IL5RA: variants seen among roughly 807,000 people sequenced by gnomAD.
IL5RA encodes the protein interleukin 5 receptor subunit alpha.
Under a neutral mutation model 50.0 loss-of-function variants are expected in IL5RA, and 49 were observed. That is an observed-to-expected ratio of 0.98 (90% CI 0.78 to 1.24). IL5RA has a LOEUF of 1.24. IL5RA is among the 50% of genes most tolerant of loss of function. The pLI is 0.00. For synonymous variants in IL5RA, 202 were observed against 174.0 expected, an observed-to-expected ratio of 1.16 and a Z score of -1.26; for missense variants, 600 against 500.4, an observed-to-expected ratio of 1.20 and a Z score of -1.90.
intron 9 of IL5RA, among the ~76,000 whole-genome samples, chr3:3,090,728 G>A (rs576626437): frequency 6.6e-5 from 10 of 151,720 alleles, no homozygotes; most frequent in Admixed American, 2.6e-4. Context: ...CACCACGCCC[G>A]GCTAATTTTT....
intron 7 of IL5RA, 123 bp downstream of exon 7, chr3:3,097,747 C>T (rs1007330273): frequency 1.9e-6 from 2 of 1,077,480 alleles, no homozygotes; most frequent in South Asian, 1.7e-5. Context: ...GGTTTTCAAA[C>T]ATGGGTCTGA....
intron 7 of IL5RA, among the ~76,000 whole-genome samples, chr3:3,097,407 A>T (rs191382823): frequency 1.2e-4 from 19 of 152,342 alleles, no homozygotes; most frequent in African/African-American, 4.6e-4. Context: ...GGGTGGCACT[A>T]GTCCATCACA....
At chr3:3,071,994 G>A (rs540021117) in intron 11 of IL5RA, among the ~76,000 whole-genome samples, 1 of 152,334 alleles carries the variant, frequency 6.6e-6, no homozygotes, top group African/African-American at 2.4e-5. Flanking sequence ...CCCACCCCAA[G>A]CTCAGAGGTG....
At chr3:3,087,375 C>A (rs1000470249) in intron 9 of IL5RA, among the ~76,000 whole-genome samples, 3 of 152,142 alleles carry the variant, frequency 2.0e-5, no homozygotes, top group Non-Finnish European at 4.4e-5. Flanking sequence ...AGGGACCTTA[C>A]CAACAGAGCT....
In IL5RA at chr3:3,092,602, C is replaced by A. The variant is rs150484753; in HGVS notation, c.856-240G>T. Reference sequence around the variant, plus strand: ...ATACGAAATGATCAACGGTCAAGATCCAGGTGTTCCTATCCAGGCCCAGCT... The same window carrying A: ...ATACGAAATGATCAACGGTCAAGATACAGGTGTTCCTATCCAGGCCCAGCT... On this transcript the variant is annotated intron_variant, in intron 8 of 11. Coordinates refer to ENST00000446632, the MANE Select transcript of IL5RA (RefSeq NM_175726.4). The surrounding 1 kb of genome is among the most constrained non-coding windows in gnomAD (Gnocchi z 4.2). Among the ~76,000 whole-genome samples the A allele has an allele frequency of 6.6e-6, 1 of 152,190 alleles. No individual in the cohort carries two copies. The highest frequency in any genetic ancestry group is 1.5e-5 in the Non-Finnish European group (1 of 68,036).
At chr3:3,105,130 A>G (rs996396880) in intron 2 of IL5RA, 143 bp from the exon 3 acceptor site, 5 of 594,318 alleles carry the variant, frequency 8.4e-6, no homozygotes, top group East Asian at 2.9e-5. Flanking sequence ...AAGTACAAAC[A>G]TGACCAAATG....
At chr3:3,084,083 T>G (rs1702764822) in intron 9 of IL5RA, among the ~76,000 whole-genome samples, 1 of 150,016 alleles carries the variant, frequency 6.7e-6, no homozygotes, top group Non-Finnish European at 1.5e-5. Flanking sequence ...GGTTTAGTCC[T>G]GGTTCTGCCA....
intron 9 of IL5RA, among the ~76,000 whole-genome samples, chr3:3,084,737 C>G (rs1053841966): frequency 2.6e-5 from 4 of 152,244 alleles, no homozygotes; most frequent in African/African-American, 9.6e-5. Flanking sequence ...GTTCCAAACC[C>G]GGATGTCCCA....
intron 2 of IL5RA, among the ~76,000 whole-genome samples, chr3:3,108,167 C>G (rs989747334): frequency 1.3e-5 from 2 of 152,108 alleles, no homozygotes; most frequent in Non-Finnish European, 2.9e-5. Flanking sequence ...AAAGTTATCT[C>G]TTGGGGGATG....
At chr3:3,106,974 T>C (rs1703952804) in intron 2 of IL5RA, among the ~76,000 whole-genome samples, 1 of 152,190 alleles carries the variant, frequency 6.6e-6, no homozygotes, top group Non-Finnish European at 1.5e-5. Flanking sequence ...AACTGTTGAA[T>C]ATCTCAGTGG....
intron 3 of IL5RA, 98 bp from the exon 4 acceptor site, chr3:3,102,918 C>T: frequency 3.3e-6 from 3 of 902,620 alleles, no homozygotes; most frequent in Non-Finnish European, 3.3e-6. Flanking sequence ...CAGATGCTGT[C>T]CTGGACCTGC....
chr3:3,108,596 T>C lies in IL5RA; in HGVS notation c.-50A>G, dbSNP rs139362563. ...GTTCCGACCAGTACTCAACAGAAGA[T>C]GGCGAGGACCGTGTCTGTCGTGTCT... On this transcript the variant is annotated 5_prime_UTR_variant, in exon 2 of 12. Transcript: ENST00000446632. 1 of 152,374 alleles carries C rather than the reference T, an allele frequency of 6.6e-6. No homozygotes were observed. The highest frequency in any genetic ancestry group is 1.9e-4 in the East Asian group (1 of 5,192). 9.4% of individuals were successfully genotyped at this position (152,374 alleles called of 1,614,324 possible).
At chr3:3,084,917 T>C (rs574670634) in intron 9 of IL5RA, among the ~76,000 whole-genome samples, 20 of 152,346 alleles carry the variant, frequency 1.3e-4, no homozygotes, top group Admixed American at 3.9e-4. Context: ...CTGCCATCCC[T>C]CCATGAGGCA....
At chr3:3,076,455 A>T in intron 10 of IL5RA, 76 bp downstream of exon 10, 1 of 888,096 alleles carries the variant, frequency 1.1e-6, no homozygotes, top group Non-Finnish European at 1.8e-6. Flanking sequence ...CCCTCTGCCT[A>T]CCGGATGCAT....
intron 5 of IL5RA, among the ~76,000 whole-genome samples, chr3:3,099,585 T>C (rs1703540807): frequency 6.6e-6 from 1 of 151,940 alleles, no homozygotes; most frequent in South Asian, 2.1e-4. Context: ...ACCAAGATCA[T>C]ACCACTACAC....
chr3:3,072,179 G>A (rs1251446565), intron 11 of IL5RA, among the ~76,000 whole-genome samples: 4 of 152,234 alleles, frequency 2.6e-5, no homozygotes, highest in African/African-American at 4.8e-5. Context: ...ATGGGGCCCA[G>A]CTGTAGGCAG....
chr3:3,091,943 T>C (rs1703129729), intron 9 of IL5RA: 5 of 1,131,974 alleles, frequency 4.4e-6, no homozygotes, highest in Admixed American at 8.8e-5. Context: ...AAATAAAAAG[T>C]TTAATTTAAA....
Position 3,092,112 on chromosome 3 carries a change from A to C in IL5RA, c.994+112T>G, listed in dbSNP as rs1452208101. On this transcript the variant is annotated intron_variant, in intron 9 of 11. Transcript: ENST00000446632. This position sits in a 1 kb window ranked among gnomAD's most constrained non-coding sequence, Gnocchi z 4.2. Reference sequence around the variant, plus strand: ...AGTAGACCGAGAGAAAATTAGTCACAATAGAGATATGAAACCATTTTAAGA... The same window carrying C: ...AGTAGACCGAGAGAAAATTAGTCACCATAGAGATATGAAACCATTTTAAGA... The C allele has an allele frequency of 5.3e-6, 8 of 1,496,970 alleles. No homozygotes were observed. In the African/African-American group the frequency reaches 8.4e-5, roughly 16 times the overall value. 92.7% of individuals were successfully genotyped at this position (1,496,970 alleles called of 1,614,324 possible).
intron 5 of IL5RA, among the ~76,000 whole-genome samples, chr3:3,100,390 G>C (rs1703587776): frequency 6.6e-6 from 1 of 152,100 alleles, no homozygotes; most frequent in Admixed American, 6.5e-5. Flanking sequence ...AAAGCAAATT[G>C]ACTTATTCAG....
Sources: gnomAD v4.1 joint callset for allele counts (sites outside exome capture counted in the v4.1 genomes callset) on GRCh38, gnomAD v4.1.1 for gene constraint, Gnocchi (gnomAD v3.1) non-coding constraint, MANE v1.5 for transcripts, NCBI Gene and HGNC (gene_info 2026-07-23, HGNC 2026-07-21) for gene names.